GOLIM4: variants seen among roughly 807,000 people sequenced by gnomAD.
GOLIM4 encodes the protein 130 kDa golgi-localized phosphoprotein.
GOLIM4 carries 71 observed loss-of-function variants against 107.4 expected under a neutral mutation model. The ratio of observed to expected loss-of-function variants is 0.66; its 90% CI spans 0.55 to 0.81. GOLIM4 has a LOEUF of 0.81. GOLIM4 is among the 30% of genes least tolerant of loss of function. The pLI is 0.00. For synonymous variants in GOLIM4, 327 were observed against 294.8 expected (o/e 1.11, Z -1.12); for missense variants, 830 against 826.1 (o/e 1.00, Z -0.06).
intron 1 of GOLIM4, among the ~76,000 whole-genome samples, chr3:168,054,163 A>T (rs1378771103): frequency 6.6e-6 from 1 of 152,166 alleles, no homozygotes; most frequent in Non-Finnish European, 1.5e-5. Flanking sequence ...ATAAAATTCA[A>T]TCTTTTGAGT....
At chr3:168,042,224 A>G (rs1202267913) in intron 5 of GOLIM4, among the ~76,000 whole-genome samples, 1 of 151,982 alleles carries the variant, frequency 6.6e-6, no homozygotes, top group Admixed American at 6.6e-5. Context: ...ATCTCACTTT[A>G]AACTTATTTA....
At chr3:168,052,355 CATAT>C (rs68032228) in intron 1 of GOLIM4, among the ~76,000 whole-genome samples, 13 of 150,178 alleles carry the variant, frequency 8.7e-5, no homozygotes, top group East Asian at 3.9e-4. Context: ...CATATATGTG[CATAT>C]ATATATATAT....
chr3:168,010,893 C>T (rs189416859), intron 14 of GOLIM4, 70 bp from the exon 15 acceptor site: 50 of 1,034,046 alleles, frequency 4.8e-5, no homozygotes, highest in South Asian at 1.3e-5. Context: ...TATTTTGACA[C>T]TGTTATCATT....
chr3:168,022,015 C>G (rs1198572913), intron 14 of GOLIM4, among the ~76,000 whole-genome samples: 1 of 152,166 alleles, frequency 6.6e-6, no homozygotes, highest in Non-Finnish European at 1.5e-5. Flanking sequence ...TCCATTCAAA[C>G]AATCCCAAAC....
intron 2 of GOLIM4, 52 bp downstream of exon 2, chr3:168,048,239 G>T: frequency 2.1e-6 from 2 of 944,948 alleles, no homozygotes; most frequent in Non-Finnish European, 3.3e-6. Context: ...TATATGATAC[G>T]TCAAAGAAGA....
At chr3:168,022,242 G>A (rs895521228) in intron 14 of GOLIM4, among the ~76,000 whole-genome samples, 6 of 151,976 alleles carry the variant, frequency 3.9e-5, no homozygotes, top group South Asian at 2.1e-4. Context: ...AAGTTTGTGC[G>A]CTGGAGAGGA....
chr3:168,094,067 T>C (rs1036708575), intron 1 of GOLIM4, among the ~76,000 whole-genome samples: 7 of 152,266 alleles, frequency 4.6e-5, no homozygotes, highest in East Asian at 1.9e-4. Flanking sequence ...TATTTTTTGG[T>C]TGGGGAGAAA....
chr3:168,023,090 A>G (rs1717801965), intron 14 of GOLIM4, among the ~76,000 whole-genome samples: 1 of 152,212 alleles, frequency 6.6e-6, no homozygotes, highest in Non-Finnish European at 1.5e-5. Context: ...AGGAATCAGT[A>G]AACACTGGTT....
At chr3:168,041,506 G>A in intron 5 of GOLIM4, 32 bp from the exon 6 acceptor site, 2 of 1,024,990 alleles carry the variant, frequency 2.0e-6, no homozygotes, top group East Asian at 4.8e-5. Flanking sequence ...CACACATAAA[G>A]CCTTGAAACT....
chr3:168,025,470 G>T (rs1038301970), intron 12 of GOLIM4, among the ~76,000 whole-genome samples: 1 of 152,160 alleles, frequency 6.6e-6, no homozygotes, highest in Non-Finnish European at 1.5e-5. Flanking sequence ...ATTTAGATGG[G>T]CAATTAACTC....
At chr3:168,026,046 G>A (rs897243842) in intron 12 of GOLIM4, among the ~76,000 whole-genome samples, 1 of 152,158 alleles carries the variant, frequency 6.6e-6, no homozygotes. Flanking sequence ...GTAGGATTTG[G>A]TCTCTATCAG....
At chr3:168,056,098 G>A (rs1399300153) in intron 1 of GOLIM4, among the ~76,000 whole-genome samples, 2 of 152,214 alleles carry the variant, frequency 1.3e-5, no homozygotes, top group Non-Finnish European at 2.9e-5. Flanking sequence ...TCATGGGCCA[G>A]GCCCAGGGTC....
intron 1 of GOLIM4, among the ~76,000 whole-genome samples, chr3:168,079,703 T>C (rs1472283011): frequency 6.6e-6 from 1 of 152,038 alleles, no homozygotes; most frequent in Non-Finnish European, 1.5e-5. Flanking sequence ...ATACAAAATT[T>C]AAAAAAGGGA....
chr3:168,048,946 G>A (rs561417320), intron 1 of GOLIM4, among the ~76,000 whole-genome samples: 190 of 152,244 alleles, frequency 1.2e-3, no homozygotes, highest in African/African-American at 4.3e-3. Context: ...GACTAGAGAA[G>A]CACAGAAATA....
chr3:168,038,057 G>C (rs1339424190), intron 7 of GOLIM4, among the ~76,000 whole-genome samples: 1 of 152,182 alleles, frequency 6.6e-6, no homozygotes, highest in East Asian at 1.9e-4. Flanking sequence ...TCCACCCCAA[G>C]AGTGAGGTGC....
Position 168,010,323 on chromosome 3 carries a change from CTCCTCTTCTTCCTCCTCGTAGTGT to C in GOLIM4, c.2013_2036del (p.His672_Glu679del). On this transcript the variant is annotated inframe_deletion, in exon 16 of 16. Transcript: ENST00000470487. ...CAGCAACTGCAGCCCCGTCTTCTTC[CTCCTCTTCTTCCTCCTCGTAGTGT>C]TCCTCTCGGCCTTTGGGGCGGTTGT... 2 of 1,613,930 alleles carry C rather than the reference CTCCTCTTCTTCCTCCTCGTAGTGT, an allele frequency of 1.2e-6. No homozygotes were observed. The highest frequency in any genetic ancestry group is 1.7e-6 in the Non-Finnish European group (2 of 1,179,884).
chr3:168,068,016 T>A (rs1012022211), intron 1 of GOLIM4, among the ~76,000 whole-genome samples: 3 of 152,106 alleles, frequency 2.0e-5, no homozygotes, highest in Non-Finnish European at 2.9e-5. Flanking sequence ...GGTGTTTCAC[T>A]AGGAATATAC....
intron 14 of GOLIM4, among the ~76,000 whole-genome samples, chr3:168,012,781 G>T (rs1717129177): frequency 1.3e-5 from 2 of 151,980 alleles, no homozygotes; most frequent in Admixed American, 6.6e-5. Flanking sequence ...TTCATATCCA[G>T]CCAAACTAAG....
intron 1 of GOLIM4, among the ~76,000 whole-genome samples, chr3:168,054,080 A>G (rs139355429): frequency 1.2e-4 from 18 of 152,062 alleles, no homozygotes; most frequent in Non-Finnish European, 2.1e-4. Context: ...TTTAACTACA[A>G]CCTCTCACAG....
Sources: gnomAD v4.1 joint callset for allele counts (sites outside exome capture counted in the v4.1 genomes callset) on GRCh38, gnomAD v4.1.1 for gene constraint, MANE v1.5 for transcripts, NCBI Gene and HGNC (gene_info 2026-07-23, HGNC 2026-07-21) for gene names.